The following ADK variants were observed in gnomAD, a reference collection of about 807,000 sequenced individuals.
ADK encodes adenosine kinase, also known as N6,N6-dimethyladenosine kinase.
In ADK, 24 loss-of-function variants were observed where a neutral mutation model predicts 44.7. The ratio of observed to expected loss-of-function variants is 0.54; its 90% CI spans 0.39 to 0.76. The LOEUF (loss-of-function observed/expected upper bound fraction) is 0.76. Ranked by LOEUF, ADK falls within the 30% of genes least tolerant of loss-of-function variation. The pLI is 0.00. For missense variants in ADK, 321 were observed against 425.1 expected, an observed-to-expected ratio of 0.76 and a Z score of 2.15; for synonymous variants, 128 against 142.6, an observed-to-expected ratio of 0.90 and a Z score of 0.73.
intron 6 of ADK, among the ~76,000 whole-genome samples, chr10:74,510,753 G>A (rs1026011985): frequency 6.6e-6 from 1 of 152,200 alleles, no homozygotes; most frequent in Admixed American, 6.5e-5. Context: ...TGTCACCCAG[G>A]CTGCAGTGCA....
At chr10:74,180,413 A>G (rs1302781997) in intron 1 of ADK, among the ~76,000 whole-genome samples, 1 of 101,258 alleles carries the variant, frequency 9.9e-6, no homozygotes, top group African/African-American at 4.0e-5. Flanking sequence ...ATTTTTTTCT[A>G]TTTTTGGTAG....
chr10:74,158,206 A>G (rs568239326), intron 1 of ADK, among the ~76,000 whole-genome samples: 5 of 152,190 alleles, frequency 3.3e-5, no homozygotes, highest in Non-Finnish European at 7.3e-5. Context: ...TGTATTTTCC[A>G]ATGTTTCTAC....
At chr10:74,657,841 TA>T (rs1424160812) in intron 9 of ADK, among the ~76,000 whole-genome samples, 1 of 152,192 alleles carries the variant, frequency 6.6e-6, no homozygotes, top group Non-Finnish European at 1.5e-5. Flanking sequence ...TTCCTGGAAG[TA>T]TGTGAAGGTT....
rs1840139803 is a variant in ADK at position 74,303,588 on chromosome 10, G to GTTGTTTTTTTTTTTTTT, written c.195-11077_195-11076insGTTTTTTTTTTTTTTTT. On this transcript the variant is annotated intron_variant, in intron 3 of 10. Coordinates refer to ENST00000539909, the MANE Select transcript of ADK (RefSeq NM_006721.4). ...CACTTTTCATATTGGTTTTAATGTT[G>GTTGTTTTTTTTTTTTTT]TTTTTTTTTTTTTTTTTTTTTTTTT... 1.3e-3 allele frequency among the ~76,000 whole-genome samples: 86 copies of GTTGTTTTTTTTTTTTTT among 68,574 alleles called. 3 individuals are homozygous for GTTGTTTTTTTTTTTTTT. The highest frequency in any genetic ancestry group is 6.1e-3 in the African/African-American group (78 of 12,696). The allele number at this position is 68,574 out of a possible 152,430, so 45.0% of individuals were successfully genotyped here.
At chr10:74,686,136 T>C (rs1414593395) in intron 10 of ADK, among the ~76,000 whole-genome samples, 1 of 152,072 alleles carries the variant, frequency 6.6e-6, no homozygotes, top group Non-Finnish European at 1.5e-5. Flanking sequence ...TAATTTTTTG[T>C]ATTTTTTAGT....
intron 9 of ADK, 63 bp downstream of exon 9, chr10:74,600,556 T>A (rs1852086357): frequency 7.3e-6 from 7 of 960,594 alleles, no homozygotes; most frequent in Non-Finnish European, 1.1e-5. Flanking sequence ...CAAAAAAAAA[T>A]TCTGTATTCT....
chr10:74,280,748 A>G (rs1846903800), intron 3 of ADK, among the ~76,000 whole-genome samples: 1 of 152,126 alleles, frequency 6.6e-6, no homozygotes, highest in Non-Finnish European at 1.5e-5. Context: ...CCACTGTCCA[A>G]AATTTTGTCA....
At chr10:74,325,374 A>C (rs1840970405) in intron 4 of ADK, among the ~76,000 whole-genome samples, 1 of 152,154 alleles carries the variant, frequency 6.6e-6, no homozygotes, top group Non-Finnish European at 1.5e-5. Flanking sequence ...TAGTTCTGAC[A>C]GTATTTTGGT....
At chr10:74,253,930 C>G (rs1163046087) in intron 3 of ADK, among the ~76,000 whole-genome samples, 2 of 151,920 alleles carry the variant, frequency 1.3e-5, no homozygotes, top group African/African-American at 2.4e-5. Context: ...TCATGCCTAA[C>G]AAATTTTTGT....
At chr10:74,554,570 G>A (rs1219897784) in intron 7 of ADK, among the ~76,000 whole-genome samples, 1 of 152,128 alleles carries the variant, frequency 6.6e-6, no homozygotes, top group Admixed American at 6.5e-5. Context: ...GAATGGTAAA[G>A]CTTAGAACAT....
chr10:74,549,200 A>T (rs866738678), intron 7 of ADK, among the ~76,000 whole-genome samples: 4 of 152,166 alleles, frequency 2.6e-5, no homozygotes, highest in Admixed American at 6.5e-5. Flanking sequence ...AGTATATAAT[A>T]CTTACATTCT....
At chr10:74,524,765 G>A (rs1430800459) in intron 6 of ADK, among the ~76,000 whole-genome samples, 2 of 152,162 alleles carry the variant, frequency 1.3e-5, no homozygotes, top group Non-Finnish European at 2.9e-5. Context: ...AGGCTCAGTG[G>A]TGTGCACCTG....
At chr10:74,154,747 G>C (rs756328349) in intron 1 of ADK, among the ~76,000 whole-genome samples, 2 of 152,168 alleles carry the variant, frequency 1.3e-5, no homozygotes, top group Non-Finnish European at 2.9e-5. Flanking sequence ...TTGAGACCTA[G>C]ATATTTGATT....
intron 4 of ADK, among the ~76,000 whole-genome samples, chr10:74,336,783 TTAAA>T (rs1291430932): frequency 3.3e-5 from 5 of 152,184 alleles, no homozygotes; most frequent in Non-Finnish European, 5.9e-5. Flanking sequence ...CCCATATACT[TTAAA>T]TAATCCCCAG....
intron 7 of ADK, among the ~76,000 whole-genome samples, chr10:74,531,323 T>C (rs1849283794): frequency 6.6e-6 from 1 of 152,168 alleles, no homozygotes; most frequent in Admixed American, 6.5e-5. Context: ...GACTAGATGT[T>C]CTGGTCCCTC....
intron 10 of ADK, among the ~76,000 whole-genome samples, chr10:74,673,210 T>TG (rs1855248015): frequency 6.6e-6 from 1 of 152,194 alleles, no homozygotes; most frequent in Non-Finnish European, 1.5e-5. Context: ...TAGTCCCTGG[T>TG]GAGTTTCAAC....
At chr10:74,257,785 G>C (rs1033421649) in intron 3 of ADK, among the ~76,000 whole-genome samples, 1 of 152,176 alleles carries the variant, frequency 6.6e-6, no homozygotes, top group Non-Finnish European at 1.5e-5. Flanking sequence ...AAAATGCAGT[G>C]TAACTTGTAC....
chr10:74,219,382 A>T (rs1844197384), intron 2 of ADK, among the ~76,000 whole-genome samples: 1 of 152,164 alleles, frequency 6.6e-6, no homozygotes, highest in African/African-American at 2.4e-5. Context: ...GTCCTGAGTG[A>T]CCTACAAAGA....
chr10:74,634,114 T>C lies in ADK; in HGVS notation c.877+33621T>C, dbSNP rs147149001. ...TGGGGTGCAGAGTTTGGAATTTCAT[T>C]CTAGCCAAGTTTACTTGTCTCCTTA... On this transcript the variant is annotated intron_variant, in intron 9 of 10. Coordinates refer to ENST00000539909, the MANE Select transcript of ADK (RefSeq NM_006721.4). 6.1e-4 allele frequency among the ~76,000 whole-genome samples: 93 copies of C among 152,326 alleles called. 2 individuals are homozygous for C. The highest frequency in any genetic ancestry group is 2.0e-3 in the African/African-American group (85 of 41,584).
Sources: allele counts gnomAD v4.1 joint callset (sites outside exome capture counted in the v4.1 genomes callset), GRCh38; gene constraint gnomAD v4.1.1; transcripts MANE v1.5; gene names NCBI Gene and HGNC (gene_info 2026-07-23, HGNC 2026-07-21).